EYS: variants seen among roughly 807,000 people sequenced by gnomAD.
EYS encodes protein eyes shut homolog.
EYS carries 250 observed loss-of-function variants against 282.1 expected under a neutral mutation model. The observed-to-expected ratio is 0.89, with a 90% CI of 0.80 to 0.98. EYS has a LOEUF of 0.98. Ranked by LOEUF, EYS falls within the 50% of genes least tolerant of loss-of-function variation. The probability of loss-of-function intolerance (pLI) is 0.00; values close to 1 mark genes in which losing one functional copy is unlikely to be tolerated. For synonymous variants in EYS, 1,355 were observed against 1,282.9 expected, an observed-to-expected ratio of 1.06 and a Z score of -1.20; for missense variants, 4,016 against 3,709.0, an observed-to-expected ratio of 1.08 and a Z score of -2.15.
intron 30 of EYS, among the ~76,000 whole-genome samples, chr6:64,284,169 G>A (rs1487800570): frequency 6.6e-6 from 1 of 152,180 alleles, no homozygotes; most frequent in Non-Finnish European, 1.5e-5. Context: ...TTCCACTTAT[G>A]AGCCTGTAAA....
At chr6:63,873,828 T>C (rs905087008) in intron 35 of EYS, among the ~76,000 whole-genome samples, 3 of 152,180 alleles carry the variant, frequency 2.0e-5, no homozygotes, top group African/African-American at 7.2e-5. Flanking sequence ...TTTGCTCACT[T>C]TTTGATGGGT....
intron 13 of EYS, among the ~76,000 whole-genome samples, chr6:65,005,864 A>C (rs1249523917): frequency 6.6e-6 from 1 of 152,080 alleles, no homozygotes; most frequent in Non-Finnish European, 1.5e-5. Flanking sequence ...GTGCACCCCT[A>C]CCTTTCCTTC....
intron 31 of EYS, among the ~76,000 whole-genome samples, chr6:64,131,654 G>A (rs948378676): frequency 6.6e-6 from 1 of 152,152 alleles, no homozygotes; most frequent in African/African-American, 2.4e-5. Flanking sequence ...TGAGCTGTGA[G>A]ACTGAATATG....
At chr6:64,206,633 CAT>C (rs1327336979) in intron 31 of EYS, among the ~76,000 whole-genome samples, 1 of 152,030 alleles carries the variant, frequency 6.6e-6, no homozygotes, top group Non-Finnish European at 1.5e-5. Context: ...TCATGATAGC[CAT>C]ATGCTAAGCA....
intron 22 of EYS, among the ~76,000 whole-genome samples, chr6:64,671,312 C>T (rs1033605757): frequency 6.6e-6 from 1 of 151,930 alleles, no homozygotes; most frequent in African/African-American, 2.4e-5. Flanking sequence ...GAAACAGTAC[C>T]CTTATAAAAG....
At chr6:63,764,407 T>G (rs1252253640) in intron 40 of EYS, among the ~76,000 whole-genome samples, 3 of 151,770 alleles carry the variant, frequency 2.0e-5, no homozygotes. Context: ...TACAAAGACC[T>G]CATACACAAA....
chr6:65,357,264 C>T (rs1764521514), intron 8 of EYS, among the ~76,000 whole-genome samples: 2 of 151,936 alleles, frequency 1.3e-5, no homozygotes, highest in Middle Eastern at 3.2e-3. Flanking sequence ...TGTTTATCTT[C>T]TTAAGAAGAT....
At chr6:64,239,672 A>G (rs1766731419) in intron 30 of EYS, among the ~76,000 whole-genome samples, 1 of 151,608 alleles carries the variant, frequency 6.6e-6, no homozygotes, top group Non-Finnish European at 1.5e-5. Context: ...TCAGATGGAT[A>G]GATTGTAAAC....
intron 24 of EYS, among the ~76,000 whole-genome samples, chr6:64,604,137 A>G (rs938851515): frequency 6.6e-6 from 1 of 151,912 alleles, no homozygotes; most frequent in African/African-American, 2.4e-5. Flanking sequence ...TAATTCATCT[A>G]TAATGGCTCC....
At position 64,562,792 on chromosome 6, in the gene EYS, G is replaced by T. The variant is rs374133083; in HGVS notation, c.5644+27431C>A. Among the ~76,000 whole-genome samples, 13 of 151,880 alleles carry T rather than the reference G, an allele frequency of 8.6e-5. No homozygotes were observed. In the East Asian group the frequency reaches 9.7e-4, roughly 11 times the overall value. On this transcript the variant is annotated intron_variant, in intron 26 of 42. Transcript: ENST00000503581. ...AATAATACTGGTAACACAATTTTTA[G>T]TATATAATTCACATTCTTTCATTTA...
intron 30 of EYS, among the ~76,000 whole-genome samples, chr6:64,257,807 T>C (rs1477950207): frequency 6.8e-6 from 1 of 146,640 alleles, no homozygotes; most frequent in African/African-American, 2.6e-5. Flanking sequence ...GATGATGATG[T>C]TGGCCATGAC....
At chr6:64,155,990 A>ATATGTGTG (rs1002178326) in intron 31 of EYS, among the ~76,000 whole-genome samples, 29 of 148,420 alleles carry the variant, frequency 2.0e-4, no homozygotes, top group African/African-American at 6.9e-4. Context: ...ATATATATAT[A>ATATGTGTG]TGTGTGTGTG....
intron 8 of EYS, among the ~76,000 whole-genome samples, chr6:65,368,303 T>G (rs1241121029): frequency 4.0e-5 from 6 of 151,622 alleles, no homozygotes; most frequent in Non-Finnish European, 7.4e-5. Flanking sequence ...ATTTTTATTT[T>G]TGTCCTAGAT....
intron 19 of EYS, among the ~76,000 whole-genome samples, chr6:64,881,175 T>C (rs1766905777): frequency 6.6e-6 from 1 of 151,726 alleles, no homozygotes; most frequent in African/African-American, 2.4e-5. Context: ...CCCCTAACAA[T>C]TGTATGTGAG....
At chr6:64,430,035 T>C (rs1774528042) in intron 28 of EYS, among the ~76,000 whole-genome samples, 1 of 152,198 alleles carries the variant, frequency 6.6e-6, no homozygotes, top group African/African-American at 2.4e-5. Flanking sequence ...TTTTTGTTTG[T>C]TTGGTTCCAC....
chr6:64,874,139 A>C (rs1407242647), intron 19 of EYS, among the ~76,000 whole-genome samples: 1 of 152,114 alleles, frequency 6.6e-6, no homozygotes, highest in Non-Finnish European at 1.5e-5. Context: ...ACAGATAAAA[A>C]TCATTGACTT....
At chr6:64,527,471 A>G (rs949535863) in intron 26 of EYS, among the ~76,000 whole-genome samples, 1 of 151,850 alleles carries the variant, frequency 6.6e-6, no homozygotes, top group African/African-American at 2.4e-5. Context: ...AGGCATTCTT[A>G]TTTCTCTGAC....
Position 64,591,050 on chromosome 6 carries a change from G to T in EYS, c.4817C>A (p.Thr1606Asn), listed in dbSNP as rs1582929370. ...WYALMGAQTITSGHSFSSATE... is the reference protein window; with the variant it reads ...WYALMGAQTINSGHSFSSATE... ...AGCAGAAGAAAATGAATGCCCAGAA[G>T]TGATAGTTTGAGCTCCCATTAGTGC... Residue 1606 changes from threonine to asparagine, a missense_variant, in exon 26 of 43, where the codon ACT (threonine) becomes AAT (asparagine). By Grantham distance (65) the Thr-to-Asn change is moderately conservative. Coordinates refer to ENST00000503581, the MANE Select transcript of EYS (RefSeq NM_001142800.2). 2 of 1,551,322 alleles carry T rather than the reference G, an allele frequency of 1.3e-6. No homozygotes were observed. The highest frequency in any genetic ancestry group is 1.7e-6 in the Non-Finnish European group (2 of 1,146,782).
chr6:65,174,620 C>A (rs1765183829), intron 12 of EYS, among the ~76,000 whole-genome samples: 1 of 151,250 alleles, frequency 6.6e-6, no homozygotes, highest in South Asian at 2.1e-4. Context: ...ATAATTCGAT[C>A]TTCTAAAGTT....
Sources: allele counts gnomAD v4.1 joint callset (sites outside exome capture counted in the v4.1 genomes callset), GRCh38; gene constraint gnomAD v4.1.1; transcripts MANE v1.5; gene names NCBI Gene and HGNC (gene_info 2026-07-23, HGNC 2026-07-21).